The following POLR3E variants were observed in gnomAD, a reference collection of about 807,000 sequenced individuals.
POLR3E encodes DNA-directed RNA polymerase III subunit RPC5.
In POLR3E, 41 loss-of-function variants were observed where a neutral mutation model predicts 96.6. The ratio of observed to expected loss-of-function variants is 0.42; its 90% CI spans 0.33 to 0.55. POLR3E has a LOEUF of 0.55. Among genes scored for constraint, POLR3E ranks in the 20% least tolerant of loss-of-function variants. The probability of loss-of-function intolerance (pLI) is 0.06; values close to 1 mark genes in which losing one functional copy is unlikely to be tolerated. For missense variants in POLR3E, 849 were observed against 952.1 expected, an observed-to-expected ratio of 0.89 and a Z score of 1.43; for synonymous variants, 396 against 383.6, an observed-to-expected ratio of 1.03 and a Z score of -0.38.
intron 18 of POLR3E, 37 bp from the exon 19 acceptor site, chr16:22,328,473 G>C (rs780796067): frequency 6.4e-7 from 1 of 1,556,694 alleles, no homozygotes; most frequent in Non-Finnish European, 8.9e-7. Flanking sequence ...CCATGGGGTA[G>C]AGATGGACAA....
intron 1 of POLR3E, among the ~76,000 whole-genome samples, chr16:22,301,159 G>T (rs906328264): frequency 9.1e-5 from 13 of 143,116 alleles, no homozygotes; most frequent in East Asian, 4.7e-4. Flanking sequence ...AGGTTATCGG[G>T]GGGGTAGAGC....
intron 2 of POLR3E, among the ~76,000 whole-genome samples, chr16:22,304,280 A>G (rs1178413780): frequency 1.3e-5 from 2 of 152,170 alleles, no homozygotes; most frequent in Non-Finnish European, 2.9e-5. Flanking sequence ...GGGCAAGGAG[A>G]AGGTCCTCGG....
intron 2 of POLR3E, 99 bp downstream of exon 2, chr16:22,303,103 T>G (rs932081532): frequency 1.8e-6 from 2 of 1,113,452 alleles, no homozygotes; most frequent in African/African-American, 3.1e-5. Context: ...GTTGATGTTC[T>G]GGGACCCCTA....
At chr16:22,302,343 A>G (rs1156788917) in intron 1 of POLR3E, 1 of 152,424 alleles carries the variant, frequency 6.6e-6, no homozygotes, top group African/African-American at 2.4e-5. Flanking sequence ...TCTGTTCATT[A>G]TAAAACAGTG....
rs748547202 is a variant in POLR3E, at chr16:22,333,698, T to A, written c.2125T>A (p.Ter709ArgextTer2). The A allele has an allele frequency of 6.2e-7, 1 of 1,604,566 alleles. No individual in the cohort carries two copies. The highest frequency in any genetic ancestry group is 8.5e-7 in the Non-Finnish European group (1 of 1,171,280). ...GTACCTTAAAGGGACAGTACAGTCT[T>A]GACAATAGTAGCAAACTACTAACCC... ...MWYLKGTVQS[*>R] The change falls in exon 21 of 21, where the codon TGA (stop) becomes AGA (arginine). Residue 709 changes from the stop codon to arginine (R), a stop_lost. Coordinates refer to ENST00000299853, the MANE Select transcript of POLR3E (RefSeq NM_018119.4).
chr16:22,308,895 A>C, intron 4 of POLR3E, 30 bp from the exon 5 acceptor site: 1 of 1,501,656 alleles, frequency 6.7e-7, no homozygotes, highest in Non-Finnish European at 9.3e-7. Flanking sequence ...TGGGGTCCTC[A>C]TAGCTGGTGG....
chr16:22,325,762 G>T lies in POLR3E; in HGVS notation c.1350G>T (p.Gly450=). The T allele has an allele frequency of 6.4e-7, 1 of 1,554,600 alleles. No individual in the cohort carries two copies. Residue 450 remains glycine, a splice_region_variant and synonymous_variant, in exon 18 of 21, where the codon GGG becomes GGT. Transcript: ENST00000299853. The stretch of plus-strand genomic sequence containing the variant: ...GCAGTGCTGCCTCCCTCCCCGCAGG[G>T]CCTGCCGGGCTGGTCTGTGGGGACC... The part of the protein sequence containing the change: ...TMPKKPDAQS[G]PAGLVCGDQR...
At chr16:22,314,997 C>T (rs1052559286) in intron 8 of POLR3E, 92 bp from the exon 9 acceptor site, 49 of 1,364,934 alleles carry the variant, frequency 3.6e-5, no homozygotes, top group Middle Eastern at 5.2e-4. Flanking sequence ...AACCCCTATA[C>T]GGAGTTCTCT....
chr16:22,322,001 T>C lies in POLR3E; in HGVS notation c.987-849T>C, dbSNP rs139968348. Among the ~76,000 whole-genome samples the C allele has an allele frequency of 1.7e-4, 26 of 152,340 alleles. No homozygotes were observed. Among genetic ancestry groups the C allele is most frequent in the Non-Finnish European group, 3.7e-4 (25 of 68,022 alleles). On this transcript the variant is annotated intron_variant, in intron 13 of 20. Coordinates refer to ENST00000299853, the MANE Select transcript of POLR3E (RefSeq NM_018119.4). This position sits in a 1 kb window ranked among gnomAD's most constrained non-coding sequence, Gnocchi z 5.2. ...CACTGCCCCTGGGGATGGCGGCTGT[T>C]ACATTTGAGCTCCCTGAATGCAGAG...
chr16:22,297,987 A>C (rs2141712738), intron 1 of POLR3E, among the ~76,000 whole-genome samples: 1 of 152,306 alleles, frequency 6.6e-6, no homozygotes, highest in Non-Finnish European at 1.5e-5. Flanking sequence ...CAGGGAGGGC[A>C]CCTGCGCCTG....
intron 3 of POLR3E, 139 bp from the exon 4 acceptor site, chr16:22,308,009 G>T: frequency 1.5e-6 from 1 of 652,072 alleles, no homozygotes; most frequent in Non-Finnish European, 2.8e-6. Context: ...GGTAGGGCTG[G>T]GCAGCTTGTA....
chr16:22,329,733 T>G (rs1177803003), intron 19 of POLR3E, among the ~76,000 whole-genome samples: 1 of 152,164 alleles, frequency 6.6e-6, no homozygotes, highest in African/African-American at 2.4e-5. Flanking sequence ...GACTAGAAGT[T>G]TTAATAGGAA....
chr16:22,313,829 C>A lies in POLR3E; in HGVS notation c.472+102C>A. On this transcript the variant is annotated intron_variant, in intron 7 of 20. Coordinates refer to ENST00000299853, the MANE Select transcript of POLR3E (RefSeq NM_018119.4). This position sits in a 1 kb window ranked among gnomAD's most constrained non-coding sequence, Gnocchi z 4.1. ...GGGATGATAGGATGTTTAGCAGGAT[C>A]CCTGGCCTCTACCTACTAGATGCCA... The A allele has an allele frequency of 1.2e-6, 1 of 825,190 alleles. No individual in the cohort carries two copies. Among genetic ancestry groups the A allele is most frequent in the Non-Finnish European group, 2.0e-6 (1 of 504,676 alleles). The allele number at this position is 825,190 out of a possible 1,614,324, so 51.1% of individuals were successfully genotyped here.
intron 13 of POLR3E, 123 bp downstream of exon 13, chr16:22,319,069 G>A (rs147709153): frequency 1.6e-6 from 1 of 624,402 alleles, no homozygotes; most frequent in African/African-American, 1.9e-5. Flanking sequence ...CTCCCTCCCA[G>A]GTCCAAGCAA....
In POLR3E at chr16:22,317,617, G is replaced by GGCC. The variant is rs2048383777; in HGVS notation, c.865+411_865+412insGCC. 3.3e-5 allele frequency among the ~76,000 whole-genome samples: 5 copies of GGCC among 152,164 alleles called. No individual in the cohort carries two copies. The South Asian group carries it at 1.0e-3, about 32-fold the overall frequency. On this transcript the variant is annotated intron_variant, in intron 12 of 20. Transcript: ENST00000299853. ...GCTTCTAAAGTACAGGGCCTTGCAGGCGAACACGGACTAGGGGCTTTTTGT... is the reference window on the plus strand; with the variant it reads ...GCTTCTAAAGTACAGGGCCTTGCAGGGCCCGAACACGGACTAGGGGCTTTTTGT...
chr16:22,325,321 A>G, intron 17 of POLR3E, 55 bp downstream of exon 17: 3 of 1,403,092 alleles, frequency 2.1e-6, no homozygotes, highest in Non-Finnish European at 1.0e-6. Context: ...TGGCTCCGGA[A>G]GGGCTGCTGT....
At chr16:22,310,685 C>T (rs1391180068) in intron 6 of POLR3E, among the ~76,000 whole-genome samples, 1 of 151,266 alleles carries the variant, frequency 6.6e-6, no homozygotes, top group East Asian at 1.9e-4. Context: ...CCTGTAATCC[C>T]AGTGCTTTGG....
In POLR3E at chr16:22,332,531, T is replaced by A. The variant is rs561659883; in HGVS notation, c.2070+346T>A. ...CACTAGAGACAGAAACTAAAAACCA[T>A]GGCTTCAGGCTGCTAAGAGCCTAAA... On this transcript the variant is annotated intron_variant, in intron 20 of 20. Transcript: ENST00000299853. 4.6e-5 allele frequency among the ~76,000 whole-genome samples: 7 copies of A among 152,226 alleles called. No homozygotes were observed. In the South Asian group the frequency reaches 1.2e-3, roughly 27 times the overall value.
In POLR3E at chr16:22,302,745, C is replaced by A; in HGVS notation, c.-38-186C>A. 7 of 593,466 alleles carry A rather than the reference C, an allele frequency of 1.2e-5. No individual in the cohort carries two copies. In the South Asian group the frequency reaches 1.5e-4, roughly 12 times the overall value. The allele number at this position is 593,466 out of a possible 1,614,324, so 36.8% of individuals were successfully genotyped here. On this transcript the variant is annotated intron_variant, in intron 1 of 20. Transcript: ENST00000299853. ...CCGCTGCTTGAGTGTTTCTTTTTTT[C>A]TTTATTTCTTCTGGCTGATGGGGTA...
Sources: allele counts gnomAD v4.1 joint callset (sites outside exome capture counted in the v4.1 genomes callset), GRCh38; gene constraint gnomAD v4.1.1; non-coding constraint Gnocchi (gnomAD v3.1); transcripts MANE v1.5; gene names NCBI Gene and HGNC (gene_info 2026-07-23, HGNC 2026-07-21).